TACC2: variants seen among roughly 807,000 people sequenced by gnomAD.
The protein encoded by TACC2 is transforming acidic coiled-coil-containing protein 2.
In TACC2, 137 loss-of-function variants were observed where a neutral mutation model predicts 227.3. The observed-to-expected ratio is 0.60, with a 90% CI of 0.52 to 0.69. The LOEUF (loss-of-function observed/expected upper bound fraction) is 0.69. TACC2 is among the 30% of genes least tolerant of loss of function. The pLI, the probability that TACC2 is intolerant of heterozygous loss-of-function variation, is 0.00. For missense variants in TACC2, 3,470 were observed against 3,694.4 expected, an observed-to-expected ratio of 0.94 and a Z score of 1.57; for synonymous variants, 1,523 against 1,487.5, an observed-to-expected ratio of 1.02 and a Z score of -0.55.
At chr10:122,140,019 G>A (rs2090298992) in intron 6 of TACC2, among the ~76,000 whole-genome samples, 1 of 152,246 alleles carries the variant, frequency 6.6e-6, no homozygotes, top group South Asian at 2.1e-4. Context: ...AACAGCTGCT[G>A]ACGGTGTCTC....
Position 122,237,503 on chromosome 10 carries a change from G to A in TACC2, c.8236G>A (p.Asp2746Asn), listed in dbSNP as rs75671139. The A allele has an allele frequency of 0.011, 17,276 of 1,614,006 alleles. 211 individuals are homozygous for A. The highest frequency in any genetic ancestry group is 0.053 in the East Asian group (2,376 of 44,872). The change falls in exon 17 of 23, where the codon GAC becomes AAC. Residue 2746 changes from aspartate to asparagine, a missense_variant. Asp to Asn is a conservative substitution (Grantham distance 23). This residue lies in a region of TACC2 where 345 missense variants were observed against 354.4 expected (regional missense o/e 0.97). Transcript: ENST00000369005. ...KPAGLLFQQPDLDSALQIARA... is the reference protein window; with the variant it reads ...KPAGLLFQQPNLDSALQIARA... ...TGCAGGCCTTCTGTTCCAGCAGCCC[G>A]ACCTGGACTCTGCCCTCCAGATCGC...
At chr10:122,007,037 T>A (rs1389197294) in intron 1 of TACC2, among the ~76,000 whole-genome samples, 1 of 152,040 alleles carries the variant, frequency 6.6e-6, no homozygotes, top group East Asian at 1.9e-4. Flanking sequence ...AATTTTTGTA[T>A]TTTTAGTAGA....
intron 1 of TACC2, among the ~76,000 whole-genome samples, chr10:122,020,073 C>G (rs1041735940): frequency 6.6e-6 from 1 of 152,032 alleles, no homozygotes; most frequent in African/African-American, 2.4e-5. Flanking sequence ...AGTTCAGATG[C>G]CTTGATTTTT....
At chr10:122,221,505 A>G (rs895084772) in intron 11 of TACC2, among the ~76,000 whole-genome samples, 1 of 152,142 alleles carries the variant, frequency 6.6e-6, no homozygotes, top group Non-Finnish European at 1.5e-5. Flanking sequence ...CAGAGGGGAA[A>G]GTGCCCTCCT....
intron 2 of TACC2, among the ~76,000 whole-genome samples, chr10:122,025,372 T>G (rs59024718): frequency 0.17 from 26,197 of 151,838 alleles, 2,266 homozygotes; most frequent in East Asian, 0.3. Flanking sequence ...GCAATTCTCC[T>G]GCCTCAGCCT....
chr10:122,033,546 T>C (rs3862115), intron 2 of TACC2, among the ~76,000 whole-genome samples: 54,981 of 152,086 alleles, frequency 0.36, 10,490 homozygotes, highest in South Asian at 0.46. Context: ...CTTTGCCGCC[T>C]GTGAGCAAAA....
chr10:122,192,652 G>A, intron 7 of TACC2: 1 of 455,588 alleles, frequency 2.2e-6, no homozygotes, highest in Non-Finnish European at 4.4e-6. Flanking sequence ...TGGGAATTTG[G>A]GGGACAGAGG....
chr10:122,153,505 G>C (rs2092254681), intron 7 of TACC2, among the ~76,000 whole-genome samples: 1 of 152,202 alleles, frequency 6.6e-6, no homozygotes, highest in Non-Finnish European at 1.5e-5. Context: ...TTCTAACTCT[G>C]CTGCCTGATT....
Position 122,083,044 on chromosome 10 carries a change from G to A in TACC2, c.544G>A (p.Glu182Lys). 6.2e-7 allele frequency: 1 copy of A among 1,612,648 alleles called. No homozygotes were observed. Among genetic ancestry groups the A allele is most frequent in the Non-Finnish European group, 8.5e-7 (1 of 1,180,014 alleles). The change falls in exon 4 of 23, where the codon GAA becomes AAA. Residue 182 changes from glutamate (E) to lysine (K), a missense_variant. Physicochemically the swap from Glu to Lys is moderately conservative, Grantham distance 56. Around this residue, in one of 10 missense-constraint regions of TACC2, gnomAD observed 405 missense variants for 389.6 expected, o/e 1.04. Coordinates refer to ENST00000369005, the MANE Select transcript of TACC2 (RefSeq NM_206862.4). ...TGGAAGAGAGAGACAGCCGAAGGAA[G>A]AAGGACAGAAGTCCTCCTTCTCCTT... ...SAGRERQPKEEGQKSSFSFSS... is the reference protein window; with the variant it reads ...SAGRERQPKEKGQKSSFSFSS...
intron 5 of TACC2, among the ~76,000 whole-genome samples, chr10:122,101,551 CTTTTT>C (rs34331470): frequency 2.1e-5 from 1 of 47,138 alleles, no homozygotes; most frequent in Non-Finnish European, 4.3e-5. Flanking sequence ...AAAACCCCAT[CTTTTT>C]TTTTTTTTTT....
chr10:122,227,913 C>T lies in TACC2; in HGVS notation c.7801C>T (p.Pro2601Ser), dbSNP rs778724348. Reference sequence around the variant, plus strand: ...GCATCCTGTCCCACGAGGACTGGCCCCTAACCAAGAGTCACACTTGCAGGT... The same window carrying T: ...GCATCCTGTCCCACGAGGACTGGCCTCTAACCAAGAGTCACACTTGCAGGT... ...NQHPVPRGLA[P>S]NQESHLQVPE... The change falls in exon 14 of 23, where the codon CCT becomes TCT. Residue 2601 changes from proline to serine, a missense_variant. Pro to Ser is a moderately conservative substitution (Grantham distance 74, BLOSUM62 -1). Around this residue, in one of 10 missense-constraint regions of TACC2, gnomAD observed 345 missense variants for 354.4 expected, o/e 0.97. Transcript: ENST00000369005. 2.2e-5 allele frequency: 36 copies of T among 1,614,256 alleles called. No individual in the cohort carries two copies. Among genetic ancestry groups the T allele is most frequent in the Middle Eastern group, 1.6e-4 (1 of 6,062 alleles).
rs757503632 is a variant in TACC2 at position 122,084,862 on chromosome 10, G to A, written c.2362G>A (p.Ala788Thr). ...VPHPPQGENL[A>T]ADLGLTALIL... is the part of the protein sequence containing the mutation. Reference sequence around the variant, plus strand: ...ACATCCCCCCCAGGGGGAGAACTTGGCAGCAGACCTGGGGCTCACGGCACT... The same window carrying A: ...ACATCCCCCCCAGGGGGAGAACTTGACAGCAGACCTGGGGCTCACGGCACT... Residue 788 changes from alanine (A) to threonine (T), a missense_variant, in exon 4 of 23, where the codon GCA becomes ACA. This residue lies in a region of TACC2 where 1,924 missense variants were observed against 1,978.3 expected (regional missense o/e 0.97). Coordinates refer to ENST00000369005, the MANE Select transcript of TACC2 (RefSeq NM_206862.4). 72 of 1,613,852 alleles carry A rather than the reference G, an allele frequency of 4.5e-5. 1 individual carries two copies. The highest frequency in any genetic ancestry group is 1.7e-6 in the Non-Finnish European group (2 of 1,180,036).
intron 3 of TACC2, among the ~76,000 whole-genome samples, chr10:122,067,448 T>C (rs2136599673): frequency 6.6e-6 from 1 of 152,072 alleles, no homozygotes; most frequent in Middle Eastern, 3.4e-3. Context: ...ACTTTTTCAC[T>C]GGTTTGAAGC....
intron 7 of TACC2, among the ~76,000 whole-genome samples, chr10:122,172,572 A>G (rs984849381): frequency 6.6e-6 from 1 of 152,218 alleles, no homozygotes; most frequent in East Asian, 1.9e-4. Context: ...CCCTCCAGGA[A>G]GAAGGCGGGA....
Position 122,168,072 on chromosome 10 carries a change from T to TA in TACC2, c.5834+24369dup, listed in dbSNP as rs1434326167. On this transcript the variant is annotated intron_variant, in intron 7 of 22. Transcript: ENST00000369005. ...CAGCTTTTTTTTTTTTTTTTTTTTT[T>TA]AAATAATTTTTTGTAGAGACAGGGG... Among the ~76,000 whole-genome samples the TA allele has an allele frequency of 1.9e-4, 18 of 97,184 alleles. No homozygotes were observed. The East Asian group carries it at 3.7e-3, about 20-fold the overall frequency. The allele number at this position is 97,184 out of a possible 152,430, so 63.8% of individuals were successfully genotyped here.
chr10:122,215,336 C>A, intron 9 of TACC2, 55 bp from the exon 10 acceptor site: 2 of 1,517,220 alleles, frequency 1.3e-6, no homozygotes, highest in South Asian at 1.1e-5. Flanking sequence ...CTGTACTGCT[C>A]TGGAGTGTTC....
intron 1 of TACC2, among the ~76,000 whole-genome samples, chr10:122,005,138 A>G (rs1164697399): frequency 6.7e-6 from 1 of 148,246 alleles, no homozygotes; most frequent in Non-Finnish European, 1.5e-5. Context: ...CTGGAGTGCA[A>G]TGGTGCAATC....
chr10:122,025,797 A>G (rs1957921403), intron 2 of TACC2, among the ~76,000 whole-genome samples: 1 of 147,562 alleles, frequency 6.8e-6, no homozygotes, highest in Admixed American at 6.8e-5. Context: ...GATGCTCTCA[A>G]TCTCCTGACC....
chr10:122,086,082 G>C lies in TACC2; in HGVS notation c.3582G>C (p.Leu1194Phe), dbSNP rs142607481. 166 of 1,613,828 alleles carry C rather than the reference G, an allele frequency of 1.0e-4. No individual in the cohort carries two copies. The African/African-American group carries it at 1.9e-3, about 19-fold the overall frequency. The change falls in exon 4 of 23, where the codon TTG becomes TTC. Residue 1194 changes from leucine (L) to phenylalanine (F), a missense_variant. Leu to Phe is a conservative substitution (Grantham distance 22). This residue lies in a region of TACC2 where 1,924 missense variants were observed against 1,978.3 expected (regional missense o/e 0.97). Coordinates refer to ENST00000369005, the MANE Select transcript of TACC2 (RefSeq NM_206862.4). ...CCATGGCCAGCTGCCAGGATGCCTTGCTGCCAGCCAGAGAGCTGGGTGGGA... is the reference window on the plus strand; with the variant it reads ...CCATGGCCAGCTGCCAGGATGCCTTCCTGCCAGCCAGAGAGCTGGGTGGGA... ...EHPMASCQDA[L>F]LPARELGGIP...
Sources: allele counts gnomAD v4.1 joint callset (sites outside exome capture counted in the v4.1 genomes callset), GRCh38; gene constraint gnomAD v4.1.1; regional missense constraint gnomAD v4.1.1; transcripts MANE v1.5; gene names NCBI Gene and HGNC (gene_info 2026-07-23, HGNC 2026-07-21).